SLC39A10: variants seen among roughly 807,000 people sequenced by gnomAD.
SLC39A10 encodes the protein zinc transporter ZIP10.
Under a neutral mutation model 65.1 loss-of-function variants are expected in SLC39A10, and 13 were observed. The observed-to-expected ratio is 0.20, with a 90% CI of 0.13 to 0.32. The LOEUF (loss-of-function observed/expected upper bound fraction) is 0.32. Among genes scored for constraint, SLC39A10 ranks in the 10% least tolerant of loss-of-function variants. SLC39A10 has a pLI of 1.00. For synonymous variants in SLC39A10, 321 were observed against 342.2 expected (o/e 0.94, Z 0.68); for missense variants, 831 against 1,018.4 (o/e 0.82, Z 2.50).
In SLC39A10 at chr2:195,657,437, C is replaced by T. The variant is rs1428845567; in HGVS notation, c.-12+156C>T. 8 of 985,960 alleles carry T rather than the reference C, an allele frequency of 8.1e-6. No homozygotes were observed. In the African/African-American group the frequency reaches 8.7e-5, roughly 11 times the overall value. 61.1% of individuals were successfully genotyped at this position (985,960 alleles called of 1,614,324 possible). A position where few individuals can be genotyped will look rare whatever the true frequency, so the allele number is the denominator to read the frequency against. On this transcript the variant is annotated intron_variant, in intron 1 of 9. Coordinates refer to ENST00000359634, the MANE Select transcript of SLC39A10 (RefSeq NM_020342.3). ...CCTCGGGGATGCGGGCGCTGGGGTT[C>T]CCGCAGCTGCTGCAGTCGGCGGCGG...
chr2:195,725,589 C>T (rs1043690793), intron 8 of SLC39A10, among the ~76,000 whole-genome samples: 1 of 152,100 alleles, frequency 6.6e-6, no homozygotes, highest in Non-Finnish European at 1.5e-5. Context: ...CTGTGTGGCC[C>T]AGTGACCCCA....
intron 2 of SLC39A10, among the ~76,000 whole-genome samples, chr2:195,646,587 A>G (rs78022550): frequency 3.9e-5 from 6 of 152,190 alleles, no homozygotes; most frequent in African/African-American, 1.4e-4. Flanking sequence ...GAGGCTACCC[A>G]CATTCCTTAG....
intron 1 of SLC39A10, among the ~76,000 whole-genome samples, chr2:195,666,317 A>G (rs1689634645): frequency 6.6e-6 from 1 of 152,190 alleles, no homozygotes; most frequent in South Asian, 2.1e-4. Context: ...GGATCATTTT[A>G]GCTGGCAGTT....
chr2:195,680,970 AAGAG>A lies in SLC39A10; in HGVS notation c.932_935del (p.Arg311LysfsTer10). 1 of 1,614,122 alleles carries A rather than the reference AAGAG, an allele frequency of 6.2e-7. No individual in the cohort carries two copies. Among genetic ancestry groups the A allele is most frequent in the Non-Finnish European group, 8.5e-7 (1 of 1,180,022 alleles). The stretch of plus-strand genomic sequence containing the variant: ...TGAAGGTGAACTTCGACATACTAGA[AAGAG>A]AGAAGCACCACATGTTAAAAATAAT... On this transcript the variant is annotated frameshift_variant, in exon 2 of 10. Transcript: ENST00000359634. LOFTEE classifies it high-confidence loss of function.
chr2:195,619,111 AAAAAG>A (rs1287862059), intron 2 of SLC39A10, among the ~76,000 whole-genome samples: 2 of 147,450 alleles, frequency 1.4e-5, no homozygotes, highest in African/African-American at 2.6e-5. Context: ...AAAAAAAAAA[AAAAAG>A]AGAGAGAGAG....
At chr2:195,646,653 C>G (rs990579270) in intron 2 of SLC39A10, among the ~76,000 whole-genome samples, 1 of 148,196 alleles carries the variant, frequency 6.7e-6, no homozygotes, top group Non-Finnish European at 1.5e-5. Flanking sequence ...CCTACAGACC[C>G]GGTAAGGCCG....
intron 8 of SLC39A10, among the ~76,000 whole-genome samples, chr2:195,719,592 C>G (rs1691944363): frequency 6.6e-6 from 1 of 151,816 alleles, no homozygotes; most frequent in Non-Finnish European, 1.5e-5. Context: ...TGCCACAACC[C>G]TCCCAGCACT....
chr2:195,647,692 ATCC>A (rs1336182350), intron 2 of SLC39A10, among the ~76,000 whole-genome samples: 1 of 24,440 alleles, frequency 4.1e-5, no homozygotes, highest in Non-Finnish European at 1.0e-4. Flanking sequence ...TTTAATTACC[ATCC>A]ACCACCACCA....
In SLC39A10 at chr2:195,680,510, G is replaced by A. The variant is rs1366080262; in HGVS notation, c.468G>A (p.Glu156=). 11 of 1,614,176 alleles carry A rather than the reference G, an allele frequency of 6.8e-6. No individual in the cohort carries two copies. Among genetic ancestry groups the A allele is most frequent in the South Asian group, 1.1e-5 (1 of 91,080 alleles). Residue 156 remains glutamate, a synonymous_variant, in exon 2 of 10, where the codon GAG becomes GAA. Coordinates refer to ENST00000359634, the MANE Select transcript of SLC39A10 (RefSeq NM_020342.3). The part of the protein sequence containing the change: ...STKRNHKCDP[E]KETVEVSVKS... ...AAAGAAACCATAAATGTGATCCAGA[G>A]AAAGAGACAGTTGAAGTGTCTGTAA... is the stretch of plus-strand genomic sequence containing the variant.
At chr2:195,705,214 G>A (rs1209403570) in intron 3 of SLC39A10, among the ~76,000 whole-genome samples, 2 of 152,118 alleles carry the variant, frequency 1.3e-5, no homozygotes, top group African/African-American at 4.8e-5. Context: ...TCCTTGCAAG[G>A]ATTGAAGCCA....
At chr2:195,697,087 C>A (rs1690995092) in intron 3 of SLC39A10, among the ~76,000 whole-genome samples, 4 of 152,090 alleles carry the variant, frequency 2.6e-5, no homozygotes, top group Admixed American at 2.6e-4. Context: ...AGGGAGGGAT[C>A]TGTTGGTCTT....
chr2:195,674,504 T>A (rs1690002484), intron 1 of SLC39A10: 1 of 760,016 alleles, frequency 1.3e-6, no homozygotes, highest in Non-Finnish European at 1.6e-6. Flanking sequence ...CTTGAACTCC[T>A]GACCTCAGGT....
intron 3 of SLC39A10, among the ~76,000 whole-genome samples, chr2:195,697,217 G>A (rs1248271161): frequency 6.6e-6 from 1 of 152,006 alleles, no homozygotes; most frequent in Non-Finnish European, 1.5e-5. Context: ...ATATAAGAGA[G>A]GATGTGCATA....
intron 1 of SLC39A10, among the ~76,000 whole-genome samples, chr2:195,676,037 G>T (rs1010630544): frequency 6.6e-6 from 1 of 151,904 alleles, no homozygotes; most frequent in African/African-American, 2.4e-5. Flanking sequence ...CCTGTTTTAT[G>T]TTCTTTTCAT....
Position 195,680,745 on chromosome 2 carries a change from A to G in SLC39A10, c.703A>G (p.Lys235Glu), listed in dbSNP as rs748310945. 1.2e-6 allele frequency: 2 copies of G among 1,614,168 alleles called. No homozygotes were observed. Among genetic ancestry groups the G allele is most frequent in the South Asian group, 1.1e-5 (1 of 91,086 alleles). ...TAAACTACCGAAAGGAAAGAGGAAG[A>G]AAAAAGGGAGGAAAAGTAATGAAAA... The part of the protein sequence containing the change: ...DVKLPKGKRK[K>E]KGRKSNENSE... Residue 235 changes from lysine to glutamate, a missense_variant, in exon 2 of 10, where the codon AAA becomes GAA. Around this residue, in one of 4 missense-constraint regions of SLC39A10, gnomAD observed 446 missense variants for 499.2 expected, o/e 0.89. Transcript: ENST00000359634.
chr2:195,638,549 G>T (rs1420790714), intron 2 of SLC39A10, among the ~76,000 whole-genome samples: 2 of 151,828 alleles, frequency 1.3e-5, no homozygotes, highest in Non-Finnish European at 2.9e-5. Flanking sequence ...TCACCATGTT[G>T]GCCAGGCTGG....
At chr2:195,699,087 G>A (rs1691083682) in intron 3 of SLC39A10, among the ~76,000 whole-genome samples, 1 of 151,896 alleles carries the variant, frequency 6.6e-6, no homozygotes, top group African/African-American at 2.4e-5. Context: ...TTGGTTTACA[G>A]CTGTTCATAG....
At chr2:195,641,828 A>G (rs1244898193) in intron 2 of SLC39A10, among the ~76,000 whole-genome samples, 4 of 151,912 alleles carry the variant, frequency 2.6e-5, no homozygotes, top group African/African-American at 9.7e-5. Context: ...AGTAGCTGAG[A>G]TTACAGACGT....
chr2:195,657,527 G>C, intron 1 of SLC39A10: 3 of 985,476 alleles, frequency 3.0e-6, no homozygotes, highest in Non-Finnish European at 3.6e-6. Context: ...GTGCGGTCTG[G>C]GCTGCTGCGG....
Sources: allele counts gnomAD v4.1 joint callset (sites outside exome capture counted in the v4.1 genomes callset), GRCh38; gene constraint gnomAD v4.1.1; regional missense constraint gnomAD v4.1.1; transcripts MANE v1.5; gene names NCBI Gene and HGNC (gene_info 2026-07-23, HGNC 2026-07-21).